EXTL3: variants seen among roughly 807,000 people sequenced by gnomAD.
The protein encoded by EXTL3 is exostosin-like 3.
EXTL3 carries 27 observed loss-of-function variants against 69.3 expected under a neutral mutation model. That is an observed-to-expected ratio of 0.39 (90% CI 0.29 to 0.54). The LOEUF (loss-of-function observed/expected upper bound fraction) is 0.54, where lower values mean the gene tolerates loss of function less well. Among genes scored for constraint, EXTL3 ranks in the 20% least tolerant of loss-of-function variants. The pLI is 0.69. For synonymous variants in EXTL3, 511 were observed against 499.4 expected, an observed-to-expected ratio of 1.02 and a Z score of -0.31; for missense variants, 1,003 against 1,231.8, an observed-to-expected ratio of 0.81 and a Z score of 2.78.
chr8:28,614,218 A>G (rs1254162709), intron 2 of EXTL3, among the ~76,000 whole-genome samples: 1 of 126,362 alleles, frequency 7.9e-6, no homozygotes, highest in South Asian at 2.6e-4. Context: ...AGTTTCTTTG[A>G]TTTTTAGCCT....
At chr8:28,630,616 C>T (rs1397666329) in intron 1 of EXTL3, among the ~76,000 whole-genome samples, 1 of 152,246 alleles carries the variant, frequency 6.6e-6, no homozygotes, top group Non-Finnish European at 1.5e-5. Context: ...AATGCAGTAA[C>T]AACTTTACAG....
At chr8:28,692,112 C>T (rs1268006777) in intron 1 of EXTL3, among the ~76,000 whole-genome samples, 1 of 152,144 alleles carries the variant, frequency 6.6e-6, no homozygotes, top group African/African-American at 2.4e-5. Flanking sequence ...AATACCTCTT[C>T]ACTTTAAAGA....
At chr8:28,617,817 A>C (rs1449970616), upstream of EXTL3, among the ~76,000 whole-genome samples, 5 of 152,206 alleles carry the variant, frequency 3.3e-5, no homozygotes, top group Non-Finnish European at 7.3e-5. Context: ...TAAAAAAAAC[A>C]AGAAATGAAA....
chr8:28,625,220 G>A (rs1474249992), intron 1 of EXTL3, among the ~76,000 whole-genome samples: 1 of 152,192 alleles, frequency 6.6e-6, no homozygotes, highest in East Asian at 1.9e-4. Context: ...TGAAAACACT[G>A]CACATAGGAT....
intron 1 of EXTL3, among the ~76,000 whole-genome samples, chr8:28,693,745 G>A (rs1413075044): frequency 6.6e-6 from 1 of 152,192 alleles, no homozygotes; most frequent in Admixed American, 6.5e-5. Flanking sequence ...TCAGGGTAAT[G>A]AGTGCTATCC....
In EXTL3 at chr8:28,755,107, AATAAT is replaced by A. The variant is rs896186279; in HGVS notation, c.*4250_*4254del. On this transcript the variant is annotated 3_prime_UTR_variant, in exon 7 of 7. Transcript: ENST00000220562. ...TCTCTTAAGCATATGTTAAAAGTTA[AATAAT>A]ATAATATACGTAGAGTCCACTGTTT... The A allele has an allele frequency of 1.6e-4, 25 of 152,206 alleles. No homozygotes were observed. Among genetic ancestry groups the A allele is most frequent in the East Asian group, 3.8e-4 (2 of 5,200 alleles). The allele number at this position is 152,206 out of a possible 1,614,324, so 9.4% of individuals were successfully genotyped here.
chr8:28,709,334 A>G (rs994460186), intron 1 of EXTL3, among the ~76,000 whole-genome samples: 3 of 152,224 alleles, frequency 2.0e-5, no homozygotes, highest in African/African-American at 4.8e-5. Flanking sequence ...GTTAGCTATT[A>G]TCATAATTAT....
At chr8:28,662,782 C>T (rs981582944) in intron 1 of EXTL3, among the ~76,000 whole-genome samples, 2 of 152,084 alleles carry the variant, frequency 1.3e-5, no homozygotes, top group Non-Finnish European at 2.9e-5. Context: ...CGTGGTGGCA[C>T]GTGCCTGTGG....
At chr8:28,695,129 A>T (rs1449060284) in intron 1 of EXTL3, among the ~76,000 whole-genome samples, 2 of 137,918 alleles carry the variant, frequency 1.5e-5, no homozygotes, top group Admixed American at 7.3e-5. Context: ...GTAAATGAGG[A>T]TTTTTTTTTT....
intron 4 of EXTL3, among the ~76,000 whole-genome samples, chr8:28,735,179 A>G (rs1189750453): frequency 6.6e-6 from 1 of 151,868 alleles, no homozygotes; most frequent in Non-Finnish European, 1.5e-5. Flanking sequence ...TCCAGGCATG[A>G]TCTTTGCTGC....
intron 1 of EXTL3, among the ~76,000 whole-genome samples, chr8:28,668,259 CAAAAAAAAA>C (rs71549685): frequency 4.7e-5 from 3 of 64,274 alleles, no homozygotes; most frequent in Non-Finnish European, 1.0e-4. Flanking sequence ...GGTCCTGTCT[CAAAAAAAAA>C]AAAAAAAGAA....
intron 1 of EXTL3, among the ~76,000 whole-genome samples, chr8:28,630,305 T>A (rs1806553351): frequency 6.6e-6 from 1 of 152,180 alleles, no homozygotes; most frequent in Non-Finnish European, 1.5e-5. Flanking sequence ...CTGCTGTGAT[T>A]GTGAGACCTC....
chr8:28,658,980 A>G (rs992114118), intron 1 of EXTL3, among the ~76,000 whole-genome samples: 9 of 152,166 alleles, frequency 5.9e-5, no homozygotes, highest in Admixed American at 2.6e-4. Flanking sequence ...CTTCTTTCCA[A>G]TCTTTTGTTA....
intron 1 of EXTL3, among the ~76,000 whole-genome samples, chr8:28,689,005 C>T (rs1226559116): frequency 6.6e-6 from 1 of 152,188 alleles, no homozygotes; most frequent in Non-Finnish European, 1.5e-5. Flanking sequence ...AAACTCAATC[C>T]AAGATTTCTG....
At chr8:28,734,531 G>T (rs1218321214) in intron 4 of EXTL3, among the ~76,000 whole-genome samples, 1 of 152,164 alleles carries the variant, frequency 6.6e-6, no homozygotes, top group Admixed American at 6.5e-5. Context: ...GGCCAACATG[G>T]TGAAACCCTG....
chr8:28,705,888 T>C (rs1432039463), intron 1 of EXTL3, among the ~76,000 whole-genome samples: 1 of 152,242 alleles, frequency 6.6e-6, no homozygotes, highest in Admixed American at 6.5e-5. Context: ...ATAGGAAGAA[T>C]GCAGAAATCA....
At chr8:28,731,403 G>A (rs1941919930) in intron 4 of EXTL3, 53 bp downstream of exon 4, 1 of 1,602,690 alleles carries the variant, frequency 6.2e-7, no homozygotes, top group Non-Finnish European at 8.5e-7. Context: ...CAGAAAACCT[G>A]GATTAGGCTG....
At position 28,717,445 on chromosome 8, in the gene EXTL3, G is replaced by A; in HGVS notation, c.1386G>A (p.Val462=). The stretch of plus-strand genomic sequence containing the variant: ...CCCTGGAAGTCGGTGCCGTCCCGGT[G>A]GTGCTGGGGGAGCAGGTCCAGCTTC... The part of the protein sequence containing the change: ...FEALEVGAVP[V]VLGEQVQLPY... Residue 462 remains valine, a synonymous_variant, in exon 3 of 7, where the codon GTG becomes GTA. Transcript: ENST00000220562. The surrounding 1 kb of genome is among the most constrained non-coding windows in gnomAD (Gnocchi z 8.3). The A allele has an allele frequency of 6.2e-7, 1 of 1,614,218 alleles. No individual in the cohort carries two copies. Among genetic ancestry groups the A allele is most frequent in the South Asian group, 1.1e-5 (1 of 91,090 alleles).
At position 28,716,996 on chromosome 8, in the gene EXTL3, G is replaced by T; in HGVS notation, c.937G>T (p.Asp313Tyr). ...FYTVQYRPGF[D>Y]LVVSPLVHAM... is the part of the protein sequence containing the mutation. ...CACTGTCCAGTACAGACCTGGCTTT[G>T]ACTTGGTCGTATCACCGCTGGTCCA... The change falls in exon 3 of 7, where the codon GAC becomes TAC. Residue 313 changes from aspartate to tyrosine, a missense_variant. Around this residue, in one of 2 missense-constraint regions of EXTL3, gnomAD observed 742 missense variants for 815.4 expected, o/e 0.91. Coordinates refer to ENST00000220562, the MANE Select transcript of EXTL3 (RefSeq NM_001440.4). The surrounding 1 kb of genome is among the most constrained non-coding windows in gnomAD (Gnocchi z 7.1). The T allele has an allele frequency of 6.2e-7, 1 of 1,614,224 alleles. No homozygotes were observed. Among genetic ancestry groups the T allele is most frequent in the South Asian group, 1.1e-5 (1 of 91,080 alleles).
Sources: allele counts gnomAD v4.1 joint callset (sites outside exome capture counted in the v4.1 genomes callset), GRCh38; gene constraint gnomAD v4.1.1; regional missense constraint gnomAD v4.1.1; non-coding constraint Gnocchi (gnomAD v3.1); transcripts MANE v1.5; gene names NCBI Gene and HGNC (gene_info 2026-07-23, HGNC 2026-07-21).